Variants in PSD2 observed in about 807,000 individuals in gnomAD.
PSD2 encodes pleckstrin and Sec7 domain containing 2, also known as PH and SEC7 domain-containing protein 2.
A neutral mutation model predicts 69.8 loss-of-function variants in PSD2; 38 were observed. That is an observed-to-expected ratio of 0.54 (90% CI 0.42 to 0.71). PSD2 has a LOEUF of 0.71. PSD2 is among the 30% of genes least tolerant of loss of function. PSD2 has a pLI of 0.00. For synonymous variants in PSD2, 412 were observed against 423.0 expected (o/e 0.97, Z 0.32); for missense variants, 943 against 1,014.5 (o/e 0.93, Z 0.96).
At chr5:139,748,549 G>A in the PSD2 span, among the ~76,000 whole-genome samples, 26 of 152,228 alleles carry the variant, frequency 1.7e-4, no homozygotes, top group African/African-American at 5.8e-4. Context: ...CAACACACGA[G>A]CCCCCAAACT....
chr5:139,832,272 C>T (rs1323740308), intron 7 of PSD2, among the ~76,000 whole-genome samples: 1 of 152,200 alleles, frequency 6.6e-6, no homozygotes, highest in Non-Finnish European at 1.5e-5. Context: ...TGCAAATGTA[C>T]ACACACAGCT....
chr5:139,827,830 C>T (rs1437403572), intron 7 of PSD2, among the ~76,000 whole-genome samples: 1 of 152,214 alleles, frequency 6.6e-6, no homozygotes, highest in Non-Finnish European at 1.5e-5. Flanking sequence ...GGGGGAACCA[C>T]CCCCATGATC....
At chr5:139,804,746 C>T (rs558812408) in intron 1 of PSD2, among the ~76,000 whole-genome samples, 9 of 152,114 alleles carry the variant, frequency 5.9e-5, no homozygotes, top group Non-Finnish European at 1.2e-4. Context: ...CCTGGATGCC[C>T]GATGATGTAG....
chr5:139,771,927 C>A, the PSD2 span, among the ~76,000 whole-genome samples: 1 of 152,198 alleles, frequency 6.6e-6, no homozygotes, highest in East Asian at 1.9e-4. Flanking sequence ...TGCAGAGGGG[C>A]CTCAGAAACG....
chr5:139,789,917 G>C, the PSD2 span, among the ~76,000 whole-genome samples: 2 of 152,012 alleles, frequency 1.3e-5, no homozygotes, highest in Non-Finnish European at 2.9e-5. Flanking sequence ...CATTGGAAGA[G>C]AGCGCTGAAG....
the PSD2 span, among the ~76,000 whole-genome samples, chr5:139,766,268 G>A: frequency 6.6e-6 from 1 of 152,240 alleles, no homozygotes; most frequent in South Asian, 2.1e-4. Flanking sequence ...GCAGTAGGGT[G>A]AGGCCTCCCT....
intron 8 of PSD2, among the ~76,000 whole-genome samples, chr5:139,835,355 A>C (rs1050316956): frequency 6.6e-6 from 1 of 151,610 alleles, no homozygotes; most frequent in Non-Finnish European, 1.5e-5. Context: ...CCATCCATCC[A>C]TTCACTCACC....
the PSD2 span, among the ~76,000 whole-genome samples, chr5:139,745,988 C>T: frequency 1.3e-5 from 2 of 152,188 alleles, no homozygotes; most frequent in African/African-American, 4.8e-5. Context: ...AGCCCCTCCT[C>T]CCCACCGCCA....
At chr5:139,764,031 C>A in the PSD2 span, among the ~76,000 whole-genome samples, 1 of 152,196 alleles carries the variant, frequency 6.6e-6, no homozygotes, top group Non-Finnish European at 1.5e-5. Flanking sequence ...GATGAGCTCT[C>A]CTGTGCCTCA....
intron 7 of PSD2, among the ~76,000 whole-genome samples, 163 bp from the exon 8 acceptor site, chr5:139,833,539 A>G (rs1255043027): frequency 1.3e-5 from 2 of 152,212 alleles, no homozygotes; most frequent in Non-Finnish European, 2.9e-5. Flanking sequence ...TGACTGTGAG[A>G]AAGAGTTTTG....
the PSD2 span, among the ~76,000 whole-genome samples, chr5:139,770,462 C>T: frequency 6.6e-6 from 1 of 152,172 alleles, no homozygotes; most frequent in South Asian, 2.1e-4. Context: ...GAGGCTGAGG[C>T]AGGAGAATTA....
chr5:139,842,372 G>A lies in PSD2; in HGVS notation c.2214G>A (p.Gly738=). The A allele has an allele frequency of 6.2e-7, 1 of 1,614,222 alleles. No homozygotes were observed. The highest frequency in any genetic ancestry group is 8.5e-7 in the Non-Finnish European group (1 of 1,180,028). The change falls in exon 15 of 15, where the codon GGG becomes GGA. Residue 738 remains glycine (G), a synonymous_variant. Transcript: ENST00000274710. ...RIEARLATLE[G]DDPSLRKTHS... is the part of the protein sequence containing the mutation. ...AGGCCCGGCTGGCCACTCTGGAAGG[G>A]GATGACCCTTCTCTCCGGAAGACAC...
At chr5:139,797,323 C>T (rs900488975) in intron 1 of PSD2, among the ~76,000 whole-genome samples, 5 of 152,208 alleles carry the variant, frequency 3.3e-5, no homozygotes, top group Admixed American at 2.6e-4. Flanking sequence ...GCCAGAGCCC[C>T]CAAAAGATTC....
rs746896130 is a variant in PSD2 at position 139,836,805 on chromosome 5, C to T, written c.1404-6C>T. 1 of 1,613,304 alleles carries T rather than the reference C, an allele frequency of 6.2e-7. No homozygotes were observed. The highest frequency in any genetic ancestry group is 8.5e-7 in the Non-Finnish European group (1 of 1,179,454). ...GAGGTGGTGCTCAGGCCTAGTACTT[C>T]CCTAGTGATGAGGATGAGCTGAGGA... On this transcript the variant is annotated splice_polypyrimidine_tract_variant and splice_region_variant and intron_variant, in intron 9 of 14. Coordinates refer to ENST00000274710, the MANE Select transcript of PSD2 (RefSeq NM_032289.4).
At chr5:139,788,545 CT>C in the PSD2 span, among the ~76,000 whole-genome samples, 29 of 152,336 alleles carry the variant, frequency 1.9e-4, 1 homozygote, top group African/African-American at 6.3e-4. Context: ...GCTTCTCCCC[CT>C]AACCCCCATC....
upstream of PSD2, among the ~76,000 whole-genome samples, chr5:139,792,757 CTCTT>C (rs1759435953): frequency 6.7e-6 from 1 of 150,242 alleles, no homozygotes; most frequent in Non-Finnish European, 1.5e-5. Context: ...TTCTTTCTTT[CTCTT>C]TCTCCCTTCC....
chr5:139,768,591 C>T, the PSD2 span, among the ~76,000 whole-genome samples: 15 of 151,994 alleles, frequency 9.9e-5, no homozygotes, highest in Non-Finnish European at 2.2e-4. Flanking sequence ...GGCTTGGTGG[C>T]GCATGCCTGT....
intron 7 of PSD2, among the ~76,000 whole-genome samples, 180 bp downstream of exon 7, chr5:139,822,964 C>T (rs182324838): frequency 1.3e-5 from 2 of 152,276 alleles, no homozygotes; most frequent in East Asian, 3.9e-4. Flanking sequence ...TGTGATCCAC[C>T]TGAGTCCCCA....
chr5:139,807,184 A>T (rs1759829953), intron 1 of PSD2, among the ~76,000 whole-genome samples: 1 of 152,224 alleles, frequency 6.6e-6, no homozygotes, highest in South Asian at 2.1e-4. Flanking sequence ...TGGTGGGCTC[A>T]GCCCCTAGGT....
Sources: allele counts gnomAD v4.1 joint callset (sites outside exome capture counted in the v4.1 genomes callset), GRCh38; gene constraint gnomAD v4.1.1; transcripts MANE v1.5; gene names NCBI Gene and HGNC (gene_info 2026-07-23, HGNC 2026-07-21).